NEK5: variants seen among roughly 807,000 people sequenced by gnomAD.
NEK5 encodes NIMA related kinase 5.
In NEK5, 88 loss-of-function variants were observed where a neutral mutation model predicts 109.2. The observed-to-expected ratio is 0.81, with a 90% CI of 0.68 to 0.96. The LOEUF (loss-of-function observed/expected upper bound fraction) is 0.96. Ranked by LOEUF, NEK5 falls within the 40% of genes least tolerant of loss-of-function variation. The pLI is 0.00. For missense variants in NEK5, 834 were observed against 920.7 expected (o/e 0.91, Z 1.22); for synonymous variants, 283 against 299.9 (o/e 0.94, Z 0.58).
chr13:52,101,368 C>A (rs955495171), intron 11 of NEK5, among the ~76,000 whole-genome samples: 3 of 152,026 alleles, frequency 2.0e-5, no homozygotes, highest in African/African-American at 7.2e-5. Flanking sequence ...CCATTGCACT[C>A]CAGCCTGGGC....
intron 17 of NEK5, among the ~76,000 whole-genome samples, chr13:52,081,367 C>CT (rs1036515745): frequency 8.6e-5 from 13 of 151,044 alleles, no homozygotes; most frequent in African/African-American, 2.7e-4. Flanking sequence ...GATGCCTTTT[C>CT]TTTTTTTTTA....
chr13:52,056,652 A>G lies in NEK5; in HGVS notation c.2110+5167T>C, dbSNP rs867352486. 5.5e-3 allele frequency among the ~76,000 whole-genome samples: 826 copies of G among 149,652 alleles called. 11 individuals are homozygous for G. The highest frequency in any genetic ancestry group is 0.019 in the African/African-American group (786 of 41,060). Reference sequence around the variant, plus strand: ...CTCAGGATTAAGAATCTCACTCAAAACCGCTCAACTACATGGAAACTGAAC... The same window carrying G: ...CTCAGGATTAAGAATCTCACTCAAAGCCGCTCAACTACATGGAAACTGAAC... On this transcript the variant is annotated intron_variant, in intron 22 of 23. Transcript: ENST00000684899.
chr13:52,122,384 T>C (rs1232065417), intron 3 of NEK5, among the ~76,000 whole-genome samples: 1 of 152,168 alleles, frequency 6.6e-6, no homozygotes, highest in African/African-American at 2.4e-5. Flanking sequence ...ACATTTAATA[T>C]CATTAAATGA....
At chr13:52,085,145 G>A (rs1038582374) in intron 16 of NEK5, among the ~76,000 whole-genome samples, 1 of 152,058 alleles carries the variant, frequency 6.6e-6, no homozygotes, top group Non-Finnish European at 1.5e-5. Flanking sequence ...TCATCGGGGT[G>A]GTTTCTCCCA....
chr13:52,086,574 A>G (rs1036696574), intron 15 of NEK5, among the ~76,000 whole-genome samples: 3 of 152,220 alleles, frequency 2.0e-5, no homozygotes, highest in African/African-American at 4.8e-5. Flanking sequence ...TCAATTTTAT[A>G]TATAACCCAA....
chr13:52,115,410 G>A (rs1188531276), intron 4 of NEK5, among the ~76,000 whole-genome samples: 2 of 151,148 alleles, frequency 1.3e-5, no homozygotes, highest in Non-Finnish European at 3.0e-5. Context: ...TTTGAGACCA[G>A]CCTGGCCAAC....
intron 4 of NEK5, among the ~76,000 whole-genome samples, chr13:52,114,278 A>C (rs999670695): frequency 6.6e-6 from 1 of 152,218 alleles, no homozygotes; most frequent in Non-Finnish European, 1.5e-5. Context: ...TAAGCGCCAA[A>C]ATCAGTCTTA....
intron 15 of NEK5, 118 bp from the exon 16 acceptor site, chr13:52,086,481 G>T: frequency 2.5e-5 from 17 of 688,482 alleles, no homozygotes; most frequent in Non-Finnish European, 4.3e-5. Flanking sequence ...AGAAAAATAT[G>T]TTGCTCCTAA....
chr13:52,088,285 C>T (rs1955198354), intron 14 of NEK5, among the ~76,000 whole-genome samples: 3 of 150,538 alleles, frequency 2.0e-5, no homozygotes, highest in South Asian at 2.1e-4. Context: ...GACAGAGTCT[C>T]GTTCTGTCGC....
Position 52,033,928 on chromosome 13 carries a change from G to GTAATT in NEK5, c.*3015_*3019dup, listed in dbSNP as rs1420769527. 1 of 152,168 alleles carries GTAATT rather than the reference G, an allele frequency of 6.6e-6. No homozygotes were observed. Among genetic ancestry groups the GTAATT allele is most frequent in the Non-Finnish European group, 1.5e-5 (1 of 68,018 alleles). 9.4% of individuals were successfully genotyped at this position (152,168 alleles called of 1,614,324 possible). A position where few individuals can be genotyped will look rare whatever the true frequency, so the allele number is the denominator to read the frequency against. On this transcript the variant is annotated 3_prime_UTR_variant, in exon 24 of 24. Transcript: ENST00000684899. Reference sequence around the variant, plus strand: ...AATTTTTAGAAGCAAATTATGTCCTGTAATTTACCCCCCTCCCCGCTGCTC... The same window carrying GTAATT: ...AATTTTTAGAAGCAAATTATGTCCTGTAATTTAATTTACCCCCCTCCCCGCTGCTC...
chr13:52,044,331 A>G (rs1351232746), intron 23 of NEK5, among the ~76,000 whole-genome samples: 3 of 152,172 alleles, frequency 2.0e-5, no homozygotes, highest in Non-Finnish European at 4.4e-5. Flanking sequence ...CACCAACCAT[A>G]CAACTCCGCC....
chr13:52,110,558 T>C lies in NEK5; in HGVS notation c.332A>G (p.Gln111Arg), dbSNP rs759481638. 1.2e-6 allele frequency: 2 copies of C among 1,610,900 alleles called. No individual in the cohort carries two copies. Among genetic ancestry groups the C allele is most frequent in the Admixed American group, 1.7e-5 (1 of 59,826 alleles). The change falls in exon 6 of 24, where the codon CAG becomes CGG. Residue 111 changes from glutamine to arginine, a missense_variant. Transcript: ENST00000684899. Reference protein sequence around the residue: ...SEDQILGWFVQISLGLKHIHD... With the variant: ...SEDQILGWFVRISLGLKHIHD... ...AATATGTTTTAGTCCTAGAGAAATC[T>C]GTACAAACCAACCGAGGATCTATAG...
At chr13:52,052,242 C>A (rs1954512118) in intron 22 of NEK5, among the ~76,000 whole-genome samples, 1 of 152,110 alleles carries the variant, frequency 6.6e-6, no homozygotes, top group Non-Finnish European at 1.5e-5. Flanking sequence ...GTCATCAGGA[C>A]CTCCTGAGGC....
chr13:52,128,072 G>A (rs1001636117), intron 1 of NEK5, among the ~76,000 whole-genome samples: 2 of 152,082 alleles, frequency 1.3e-5, no homozygotes, highest in African/African-American at 4.8e-5. Flanking sequence ...ATTACCCCGC[G>A]GCCCTACAAT....
intron 13 of NEK5, 84 bp downstream of exon 13, chr13:52,092,970 A>C: frequency 1.1e-6 from 1 of 890,692 alleles, no homozygotes; most frequent in Admixed American, 2.4e-5. Context: ...TTGTGTTAGG[A>C]GAATTTGGAT....
chr13:52,089,606 A>G (rs879434695), intron 13 of NEK5, among the ~76,000 whole-genome samples: 2 of 152,184 alleles, frequency 1.3e-5, no homozygotes, highest in Non-Finnish European at 2.9e-5. Context: ...TCCATTCTCT[A>G]TAATATGTTG....
intron 16 of NEK5, 51 bp downstream of exon 16, chr13:52,086,226 A>T: frequency 9.0e-7 from 1 of 1,110,684 alleles, no homozygotes; most frequent in Non-Finnish European, 1.4e-6. Flanking sequence ...AGCTCAATTT[A>T]GTTAGCTCTA....
intron 22 of NEK5, among the ~76,000 whole-genome samples, chr13:52,052,477 G>C (rs1954515419): frequency 6.6e-6 from 1 of 152,066 alleles, no homozygotes; most frequent in African/African-American, 2.4e-5. Context: ...AGCTTGACTG[G>C]CATTAGGTTA....
intron 17 of NEK5, among the ~76,000 whole-genome samples, chr13:52,082,721 A>G (rs1163320014): frequency 1.3e-5 from 2 of 152,188 alleles, no homozygotes; most frequent in African/African-American, 4.8e-5. Context: ...CCCTCCAGAG[A>G]GTGGAACGTT....
Sources: gnomAD v4.1 joint callset for allele counts (sites outside exome capture counted in the v4.1 genomes callset) on GRCh38, gnomAD v4.1.1 for gene constraint, MANE v1.5 for transcripts, NCBI Gene and HGNC (gene_info 2026-07-23, HGNC 2026-07-21) for gene names.